Variants in FREM1 observed in about 807,000 individuals in gnomAD.
FREM1 encodes FRAS1-related extracellular matrix protein 1.
Under a neutral mutation model 210.1 loss-of-function variants are expected in FREM1, and 220 were observed. That is an observed-to-expected ratio of 1.05 (90% CI 0.94 to 1.17). The LOEUF (loss-of-function observed/expected upper bound fraction) is 1.17, where lower values mean the gene tolerates loss of function less well. Among genes scored for constraint, FREM1 ranks in the 50% most tolerant of loss-of-function variants. The probability of loss-of-function intolerance (pLI) is 0.00; values close to 1 mark genes in which losing one functional copy is unlikely to be tolerated. For missense variants in FREM1, 3,454 were observed against 2,675.5 expected (o/e 1.29, Z -6.42); for synonymous variants, 1,189 against 980.2 (o/e 1.21, Z -3.98).
intron 1 of FREM1, among the ~76,000 whole-genome samples, chr9:14,882,885 C>T (rs1358197681): frequency 9.0e-6 from 1 of 110,662 alleles, no homozygotes; most frequent in Non-Finnish European, 1.7e-5. Flanking sequence ...TGCACTCCAG[C>T]CAGGGCAGCA....
intron 21 of FREM1, among the ~76,000 whole-genome samples, chr9:14,793,119 A>C (rs1332863473): frequency 6.6e-6 from 1 of 152,226 alleles, no homozygotes; most frequent in Admixed American, 6.5e-5. Context: ...GTAATTAGGC[A>C]CTTCTAATTG....
intron 1 of FREM1, among the ~76,000 whole-genome samples, chr9:14,897,740 G>A (rs1838003165): frequency 2.6e-5 from 4 of 151,864 alleles, no homozygotes; most frequent in African/African-American, 7.3e-5. Context: ...ACAGGCACTC[G>A]CCACCATGCC....
At position 14,806,836 on chromosome 9, in the gene FREM1, A is replaced by G; in HGVS notation, c.3099T>C (p.Phe1033=). The G allele has an allele frequency of 6.3e-7, 1 of 1,598,884 alleles. No homozygotes were observed. Among genetic ancestry groups the G allele is most frequent in the East Asian group, 2.2e-5 (1 of 44,718 alleles). The part of the protein sequence containing the change: ...QPPSIAIGPV[F]VVDEGCSTAL... ...CTGTTGAGCAGCCCTCATCTACAAC[A>G]AACACGGGACCTGCATACAAATAAA... is the stretch of plus-strand genomic sequence containing the variant. The change falls in exon 18 of 37, where the codon TTT becomes TTC. Residue 1033 remains phenylalanine (F), a synonymous_variant. Transcript: ENST00000380880.
intron 6 of FREM1, chr9:14,850,537 G>T (rs1827512162): frequency 6.6e-6 from 1 of 152,150 alleles, no homozygotes; most frequent in South Asian, 2.1e-4. Flanking sequence ...CATATTTTGG[G>T]TGAACAACAC....
chr9:14,774,160 T>C (rs767231148), intron 25 of FREM1: 2 of 518,856 alleles, frequency 3.9e-6, no homozygotes, highest in Non-Finnish European at 7.7e-6. Context: ...TCATCCAGCA[T>C]CCACTCTATG....
At chr9:14,789,981 A>C (rs79282006) in intron 22 of FREM1, among the ~76,000 whole-genome samples, 3,752 of 152,286 alleles carry the variant, frequency 0.025, 78 homozygotes, top group Middle Eastern at 0.051. Flanking sequence ...AGTCATCTTA[A>C]AATTTATTAT....
At chr9:14,762,145 T>C (rs368402936) in intron 27 of FREM1, among the ~76,000 whole-genome samples, 1 of 150,684 alleles carries the variant, frequency 6.6e-6, no homozygotes, top group Non-Finnish European at 1.5e-5. Flanking sequence ...TAAATGCCAA[T>C]AGAAATATGT....
chr9:14,737,572 C>A lies in FREM1; in HGVS notation c.6364G>T (p.Gly2122Cys), dbSNP rs780705992. ...TCACCACCGATCCACTCCCAGTGGC[C>A]AGCATGCACTTGGTCGTTCAAACCT... ...WIGLNDQVHAGHWEWIGGEPV... is the reference protein window; with the variant it reads ...WIGLNDQVHACHWEWIGGEPV... The change falls in exon 37 of 37, where the codon GGC (glycine) becomes TGC (cysteine). Residue 2122 changes from glycine to cysteine, a missense_variant. Gly to Cys is a radical substitution (Grantham distance 159). Transcript: ENST00000380880. 1 of 1,588,076 alleles carries A rather than the reference C, an allele frequency of 6.3e-7. No individual in the cohort carries two copies. Among genetic ancestry groups the A allele is most frequent in the Non-Finnish European group, 8.6e-7 (1 of 1,167,540 alleles).
At chr9:14,876,449 A>T (rs1361401346) in intron 1 of FREM1, among the ~76,000 whole-genome samples, 2 of 152,160 alleles carry the variant, frequency 1.3e-5, no homozygotes, top group African/African-American at 4.8e-5. Flanking sequence ...GCTAGCAATC[A>T]GTGAGACTCC....
At chr9:14,878,181 C>T (rs1309169607) in intron 1 of FREM1, among the ~76,000 whole-genome samples, 1 of 152,146 alleles carries the variant, frequency 6.6e-6, no homozygotes, top group African/African-American at 2.4e-5. Flanking sequence ...AAGGTGAAGC[C>T]CTGGTGATGA....
chr9:14,851,922 C>G (rs1367660279), intron 5 of FREM1, among the ~76,000 whole-genome samples: 1 of 152,180 alleles, frequency 6.6e-6, no homozygotes, highest in African/African-American at 2.4e-5. Context: ...CTGTGTTTAT[C>G]ATTCTATCTC....
intron 1 of FREM1, among the ~76,000 whole-genome samples, chr9:14,880,585 C>G (rs1588561037): frequency 8.9e-6 from 1 of 112,950 alleles, no homozygotes; most frequent in Non-Finnish European, 1.7e-5. Context: ...GCCTGGGTAA[C>G]AGAGTGAGAC....
chr9:14,885,637 G>C (rs922764618), intron 1 of FREM1, among the ~76,000 whole-genome samples: 21 of 152,228 alleles, frequency 1.4e-4, no homozygotes, highest in South Asian at 2.1e-4. Flanking sequence ...GCCCAGGCTG[G>C]TCTTGAACTC....
intron 1 of FREM1, among the ~76,000 whole-genome samples, chr9:14,886,895 CAAAAAAAAAAAAAAAAA>C (rs59827471): frequency 1.0e-5 from 1 of 95,498 alleles, no homozygotes; most frequent in Non-Finnish European, 2.1e-5. Flanking sequence ...GACCTTGTTT[CAAAAAAAAAAAAAAAAA>C]AAAAAAAGAA....
chr9:14,886,129 G>A (rs563076651), intron 1 of FREM1, among the ~76,000 whole-genome samples: 3 of 152,140 alleles, frequency 2.0e-5, no homozygotes, highest in South Asian at 4.2e-4. Context: ...GCTCACGCCT[G>A]TAATCCCAGC....
intron 1 of FREM1, among the ~76,000 whole-genome samples, chr9:14,896,431 C>A (rs1224614858): frequency 6.6e-6 from 1 of 151,642 alleles, no homozygotes; most frequent in African/African-American, 2.4e-5. Flanking sequence ...GTAATCCCAG[C>A]TACTCAGGAG....
At chr9:14,782,529 G>A (rs1382968553) in intron 24 of FREM1, among the ~76,000 whole-genome samples, 1 of 152,146 alleles carries the variant, frequency 6.6e-6, no homozygotes, top group African/African-American at 2.4e-5. Context: ...AGAAATGCAT[G>A]TAAAATTAAA....
At chr9:14,765,848 C>T (rs1846297451) in intron 27 of FREM1, among the ~76,000 whole-genome samples, 1 of 152,228 alleles carries the variant, frequency 6.6e-6, no homozygotes, top group South Asian at 2.1e-4. Context: ...TTGAAGTTCA[C>T]TTTTCTCCAG....
chr9:14,740,913 C>T (rs1402474012), intron 35 of FREM1, among the ~76,000 whole-genome samples: 3 of 152,100 alleles, frequency 2.0e-5, no homozygotes, highest in African/African-American at 7.2e-5. Context: ...AATTCCCCAG[C>T]AGTGCTCATT....
Sources: gnomAD v4.1 joint callset for allele counts (sites outside exome capture counted in the v4.1 genomes callset) on GRCh38, gnomAD v4.1.1 for gene constraint, MANE v1.5 for transcripts, NCBI Gene and HGNC (gene_info 2026-07-23, HGNC 2026-07-21) for gene names.